PRDM15: variants seen among roughly 807,000 people sequenced by gnomAD.
PRDM15 encodes the protein PR domain zinc finger protein 15.
PRDM15 carries 64 observed loss-of-function variants against 128.6 expected under a neutral mutation model. That is an observed-to-expected ratio of 0.50 (90% CI 0.41 to 0.61). The LOEUF (loss-of-function observed/expected upper bound fraction) is 0.61, where lower values mean the gene tolerates loss of function less well. PRDM15 is among the 20% of genes least tolerant of loss of function. The pLI is 0.00. For synonymous variants in PRDM15, 615 were observed against 621.8 expected (o/e 0.99, Z 0.16); for missense variants, 1,242 against 1,569.1 (o/e 0.79, Z 3.52).
At chr21:41,834,048 G>A (rs1462664364) in intron 11 of PRDM15, among the ~76,000 whole-genome samples, 1 of 152,202 alleles carries the variant, frequency 6.6e-6, no homozygotes, top group Non-Finnish European at 1.5e-5. Context: ...CAGGTTTCTT[G>A]GGAATTCTTG....
chr21:41,862,573 G>A lies in PRDM15; in HGVS notation c.-9-2201C>T, dbSNP rs1340660859. 6.6e-6 allele frequency among the ~76,000 whole-genome samples: 1 copy of A among 152,140 alleles called. No individual in the cohort carries two copies. Among genetic ancestry groups the A allele is most frequent in the Non-Finnish European group, 1.5e-5 (1 of 68,016 alleles). ...TGCTGCACTCTGATTCTATGTAAAT[G>A]TCCGAGTCCTGGCAATAAGGGTCCC... On this transcript the variant is annotated intron_variant, in intron 1 of 23. Transcript: ENST00000398548. The surrounding 1 kb of genome is among the most constrained non-coding windows in gnomAD (Gnocchi z 4.1).
chr21:41,809,781 T>A (rs1035586632), intron 21 of PRDM15, among the ~76,000 whole-genome samples: 5 of 152,134 alleles, frequency 3.3e-5, no homozygotes, highest in Admixed American at 6.5e-5. Context: ...TCTGTACAAC[T>A]TCCCCCTCCC....
In PRDM15 at chr21:41,854,571, A is replaced by G; in HGVS notation, c.533T>C (p.Val178Ala). The G allele has an allele frequency of 6.2e-7, 1 of 1,612,986 alleles. No homozygotes were observed. Among genetic ancestry groups the G allele is most frequent in the Non-Finnish European group, 8.5e-7 (1 of 1,179,948 alleles). Residue 178 changes from valine to alanine, a missense_variant, in exon 5 of 24, where the codon GTC (valine) becomes GCC (alanine). Val to Ala is a moderately conservative substitution (Grantham distance 64). This residue lies in a region of PRDM15 where 612 missense variants were observed against 717.0 expected (regional missense o/e 0.85). Coordinates refer to ENST00000398548, the MANE Select transcript of PRDM15 (RefSeq NM_001040424.3). The surrounding 1 kb of genome is among the most constrained non-coding windows in gnomAD (Gnocchi z 4.6). ...GATCGGGGGCCGCCACATACCGTGG[A>G]CGCCAGAGCCGGCCTGCTTCAGCAT... ...KPMLKQAGSG[V>A]HAAGTPENSA... is the part of the protein sequence containing the mutation.
chr21:41,802,792 T>C lies in PRDM15; in HGVS notation c.2863A>G (p.Ser955Gly). 1 of 1,614,226 alleles carries C rather than the reference T, an allele frequency of 6.2e-7. No individual in the cohort carries two copies. Among genetic ancestry groups the C allele is most frequent in the Non-Finnish European group, 8.5e-7 (1 of 1,180,036 alleles). ...TCCGTCTCTTTCTCTGAGTATTCGC[T>C]GAAGGTGGCGTCCTCGGGCACCGGA... is the stretch of plus-strand genomic sequence containing the variant. ...GAPVPEDATFSEYSEKETEFT... is the reference protein window; with the variant it reads ...GAPVPEDATFGEYSEKETEFT... The change falls in exon 23 of 24, where the codon AGC becomes GGC. Residue 955 changes from serine to glycine, a missense_variant. By Grantham distance (56) the Ser-to-Gly change is moderately conservative (BLOSUM62 0). Coordinates refer to ENST00000398548, the MANE Select transcript of PRDM15 (RefSeq NM_001040424.3).
At chr21:41,851,642 C>T (rs1194720640) in intron 5 of PRDM15, among the ~76,000 whole-genome samples, 1 of 152,166 alleles carries the variant, frequency 6.6e-6, no homozygotes, top group Admixed American at 6.5e-5. Flanking sequence ...TGCTGGCTTG[C>T]CATTTGAACA....
At chr21:41,831,585 C>T (rs1456734350) in intron 11 of PRDM15, among the ~76,000 whole-genome samples, 1 of 152,212 alleles carries the variant, frequency 6.6e-6, no homozygotes, top group African/African-American at 2.4e-5. Flanking sequence ...AAGCAGACAA[C>T]CTCCCCCGGG....
chr21:41,823,711 A>T (rs2146421621), intron 13 of PRDM15, among the ~76,000 whole-genome samples: 1 of 152,362 alleles, frequency 6.6e-6, no homozygotes, highest in Non-Finnish European at 1.5e-5. Context: ...TATAAATGTT[A>T]GTTCAGCTCC....
Position 41,854,433 on chromosome 21 carries a change from ACT to A in PRDM15, c.538+131_538+132del. On this transcript the variant is annotated intron_variant, in intron 5 of 23. Coordinates refer to ENST00000398548, the MANE Select transcript of PRDM15 (RefSeq NM_001040424.3). This position sits in a 1 kb window ranked among gnomAD's most constrained non-coding sequence, Gnocchi z 4.6. ...GACAGACCCGACTCTCCACTCCTCC[ACT>A]CTCCGCATCCCAGCAGCTGGCCCAG... The A allele has an allele frequency of 8.5e-7, 1 of 1,171,724 alleles. No homozygotes were observed. Among genetic ancestry groups the A allele is most frequent in the Non-Finnish European group, 1.2e-6 (1 of 842,796 alleles). 72.6% of individuals were successfully genotyped at this position (1,171,724 alleles called of 1,614,324 possible).
intron 14 of PRDM15, 67 bp from the exon 15 acceptor site, chr21:41,822,104 G>A (rs910050941): frequency 3.6e-5 from 58 of 1,596,086 alleles, no homozygotes; most frequent in Middle Eastern, 3.3e-4. Context: ...TATCTACACC[G>A]CAGGGACGAC....
chr21:41,870,437 C>A (rs975428999), intron 1 of PRDM15, among the ~76,000 whole-genome samples: 1 of 152,102 alleles, frequency 6.6e-6, no homozygotes, highest in Admixed American at 6.5e-5. Context: ...GCTGGGCACA[C>A]GGCCTCGTGA....
intron 6 of PRDM15, among the ~76,000 whole-genome samples, chr21:41,841,234 T>C (rs8130397): frequency 0.89 from 136,251 of 152,268 alleles, 61,071 homozygotes; most frequent in Non-Finnish European, 0.91. Context: ...AATTGCAGAA[T>C]TCCAAAGACA....
chr21:41,803,189 A>T, intron 22 of PRDM15: 1 of 502,864 alleles, frequency 2.0e-6, no homozygotes, highest in Non-Finnish European at 3.6e-6. Context: ...AACACTTCTT[A>T]GAAACTTAAC....
intron 11 of PRDM15, among the ~76,000 whole-genome samples, chr21:41,831,977 C>T (rs2062709154): frequency 6.6e-6 from 1 of 152,212 alleles, no homozygotes; most frequent in South Asian, 2.1e-4. Context: ...TCCATACAGC[C>T]ACTGCCCTCA....
At position 41,821,162 on chromosome 21, in the gene PRDM15, G is replaced by C; in HGVS notation, c.1965C>G (p.Gly655=). The C allele has an allele frequency of 6.2e-7, 1 of 1,614,178 alleles. No individual in the cohort carries two copies. The change falls in exon 16 of 24, where the codon GGC becomes GGG. Residue 655 remains glycine (G), a synonymous_variant. Transcript: ENST00000398548. The surrounding 1 kb of genome is among the most constrained non-coding windows in gnomAD (Gnocchi z 5.4). Reference sequence around the variant, plus strand: ...CAAAGCGCCGGTTGCAGATGCTGCAGCCATAGCCCTTCTCCTTGTGCACCT... The same window carrying C: ...CAAAGCGCCGGTTGCAGATGCTGCACCCATAGCCCTTCTCCTTGTGCACCT... ...IMEVHKEKGY[G]CSICNRRFAL... is the part of the protein sequence containing the mutation.
At chr21:41,812,095 A>G (rs1387568749) in intron 19 of PRDM15, 1 of 150,314 alleles carries the variant, frequency 6.7e-6, no homozygotes, top group East Asian at 1.9e-4. Flanking sequence ...CCGCACGGCC[A>G]CTCGTGCCCA....
intron 21 of PRDM15, among the ~76,000 whole-genome samples, chr21:41,805,111 C>T (rs550755187): frequency 4.0e-4 from 61 of 152,310 alleles, no homozygotes; most frequent in Middle Eastern, 3.4e-3. Context: ...CCCTACCTTC[C>T]CTCCAATGGC....
At chr21:41,878,688 C>G (rs1035274862) in intron 1 of PRDM15, 2 of 1,556,646 alleles carry the variant, frequency 1.3e-6, no homozygotes, top group African/African-American at 2.8e-5. Context: ...CTGGGAGACC[C>G]CATCACCAGG....
chr21:41,826,794 G>A (rs972694631), intron 12 of PRDM15, among the ~76,000 whole-genome samples: 1 of 152,194 alleles, frequency 6.6e-6, no homozygotes, highest in Non-Finnish European at 1.5e-5. Context: ...ACAGACACAG[G>A]AGTCTGAGGC....
intron 14 of PRDM15, among the ~76,000 whole-genome samples, chr21:41,822,978 TA>T: frequency 7.0e-6 from 1 of 142,672 alleles, no homozygotes; most frequent in African/African-American, 2.6e-5. Flanking sequence ...GAGGATGCAG[TA>T]AGATCTTGCC....
Sources: gnomAD v4.1 joint callset for allele counts (sites outside exome capture counted in the v4.1 genomes callset) on GRCh38, gnomAD v4.1.1 for gene constraint, gnomAD v4.1.1 regional missense constraint, Gnocchi (gnomAD v3.1) non-coding constraint, MANE v1.5 for transcripts, NCBI Gene and HGNC (gene_info 2026-07-23, HGNC 2026-07-21) for gene names.